OSBPL3: variants seen among roughly 807,000 people sequenced by gnomAD.
The protein encoded by OSBPL3 is oxysterol binding protein like 3.
A neutral mutation model predicts 120.1 loss-of-function variants in OSBPL3; 65 were observed. The observed-to-expected ratio is 0.54, with a 90% CI of 0.44 to 0.67. The LOEUF is 0.67. OSBPL3 is among the 30% of genes least tolerant of loss of function. OSBPL3 has a pLI of 0.00. For missense variants in OSBPL3, 1,004 were observed against 1,082.1 expected (o/e 0.93, Z 1.01); for synonymous variants, 416 against 402.6 (o/e 1.03, Z -0.40).
rs1339959119 is a variant in OSBPL3 at position 24,842,270 on chromosome 7, T to C, written c.1401+9A>G. The C allele has an allele frequency of 6.2e-7, 1 of 1,612,196 alleles. No individual in the cohort carries two copies. The highest frequency in any genetic ancestry group is 8.5e-7 in the Non-Finnish European group (1 of 1,179,676). ...TTTTGAGGCACCATACTGTAAACATTGCTCAAACCTCGTTTTCTGAAGAGC... is the reference window on the plus strand; with the variant it reads ...TTTTGAGGCACCATACTGTAAACATCGCTCAAACCTCGTTTTCTGAAGAGC... On this transcript the variant is annotated intron_variant, in intron 13 of 22. Transcript: ENST00000313367.
chr7:24,861,853 A>T, intron 9 of OSBPL3, 84 bp from the exon 10 acceptor site: 1 of 927,322 alleles, frequency 1.1e-6, no homozygotes, highest in Middle Eastern at 2.3e-4. Context: ...GAAACATGGT[A>T]ATACAAATAC....
At chr7:24,832,452 G>C (rs867181071) in intron 15 of OSBPL3, among the ~76,000 whole-genome samples, 2 of 144,680 alleles carry the variant, frequency 1.4e-5, no homozygotes, top group African/African-American at 5.1e-5. Flanking sequence ...GGAGGTTGCA[G>C]TGAGCCGAGA....
In OSBPL3 at chr7:24,937,699, C is replaced by T. The variant is rs1037952473; in HGVS notation, c.-150+42187G>A. ...CTATCAGGCATAAAACATGAAACAC[C>T]TTAAACCTAACTAATTACTTATTAC... On this transcript the variant is annotated intron_variant, in intron 1 of 22. Transcript: ENST00000313367. This position sits in a 1 kb window ranked among gnomAD's most constrained non-coding sequence, Gnocchi z 4.0. 6.6e-6 allele frequency among the ~76,000 whole-genome samples: 1 copy of T among 152,152 alleles called. No homozygotes were observed. The highest frequency in any genetic ancestry group is 2.4e-5 in the African/African-American group (1 of 41,426).
At chr7:24,919,845 A>G (rs1810170130) in intron 1 of OSBPL3, among the ~76,000 whole-genome samples, 1 of 151,820 alleles carries the variant, frequency 6.6e-6, no homozygotes, top group Non-Finnish European at 1.5e-5. Flanking sequence ...AAACAGGCAT[A>G]TAACTACAAT....
In OSBPL3 at chr7:24,932,900, C is replaced by G. The variant is rs963132180; in HGVS notation, c.-149-40279G>C. Reference sequence around the variant, plus strand: ...GAAACAAAAACTTTCAAGACTCCAACTGGTCCCCGGGGACAGACCCCCACT... The same window carrying G: ...GAAACAAAAACTTTCAAGACTCCAAGTGGTCCCCGGGGACAGACCCCCACT... On this transcript the variant is annotated intron_variant, in intron 1 of 22. Transcript: ENST00000313367. The surrounding 1 kb of genome is among the most constrained non-coding windows in gnomAD (Gnocchi z 5.6). Among the ~76,000 whole-genome samples the G allele has an allele frequency of 6.6e-6, 1 of 152,248 alleles. No individual in the cohort carries two copies. The highest frequency in any genetic ancestry group is 2.4e-5 in the African/African-American group (1 of 41,454).
At chr7:24,910,837 A>G (rs886580118) in intron 1 of OSBPL3, among the ~76,000 whole-genome samples, 3 of 152,330 alleles carry the variant, frequency 2.0e-5, no homozygotes, top group Non-Finnish European at 2.9e-5. Context: ...TGGAGGACAA[A>G]GCTGTGAGCT....
chr7:24,828,830 A>C (rs935621429), intron 16 of OSBPL3, among the ~76,000 whole-genome samples: 4 of 152,110 alleles, frequency 2.6e-5, no homozygotes, highest in Non-Finnish European at 5.9e-5. Flanking sequence ...CACATGGAGC[A>C]AATTGTGGAG....
In OSBPL3 at chr7:24,806,771, C is replaced by T; in HGVS notation, c.2444+5G>A. 2 of 1,611,782 alleles carry T rather than the reference C, an allele frequency of 1.2e-6. No individual in the cohort carries two copies. Among genetic ancestry groups the T allele is most frequent in the Admixed American group, 3.4e-5 (2 of 59,560 alleles). On this transcript the variant is annotated splice_donor_5th_base_variant and intron_variant, in intron 21 of 22. Coordinates refer to ENST00000313367, the MANE Select transcript of OSBPL3 (RefSeq NM_015550.4). The surrounding 1 kb of genome is among the most constrained non-coding windows in gnomAD (Gnocchi z 5.2). ...TGGAGAGAAAAATCTTTAAAAAATC[C>T]TTACCTCTGGTCTGGCCTAAATCGA...
At chr7:24,943,433 A>G (rs548093143) in intron 1 of OSBPL3, among the ~76,000 whole-genome samples, 1 of 152,356 alleles carries the variant, frequency 6.6e-6, no homozygotes, top group Admixed American at 6.5e-5. Context: ...ATTTCATTCC[A>G]ATACAAAAAG....
intron 14 of OSBPL3, among the ~76,000 whole-genome samples, chr7:24,838,552 G>A (rs897540978): frequency 2.0e-5 from 3 of 152,134 alleles, no homozygotes; most frequent in African/African-American, 7.2e-5. Context: ...TGTAAACTAC[G>A]ACAGAACCAG....
At position 24,946,541 on chromosome 7, in the gene OSBPL3, A is replaced by G. The variant is rs1445234403; in HGVS notation, c.-150+33345T>C. 6.6e-6 allele frequency among the ~76,000 whole-genome samples: 1 copy of G among 152,204 alleles called. No individual in the cohort carries two copies. Among genetic ancestry groups the G allele is most frequent in the East Asian group, 1.9e-4 (1 of 5,198 alleles). ...CATTAAGAGGGAAGTAACAGACATT[A>G]TCTGTTATTTTGCTCAGTACAAGTA... is the stretch of plus-strand genomic sequence containing the variant. On this transcript the variant is annotated intron_variant, in intron 1 of 22. Coordinates refer to ENST00000313367, the MANE Select transcript of OSBPL3 (RefSeq NM_015550.4). The surrounding 1 kb of genome is among the most constrained non-coding windows in gnomAD (Gnocchi z 4.3).
chr7:24,800,937 CT>C lies in OSBPL3; in HGVS notation c.2568-659del, dbSNP rs56365128. On this transcript the variant is annotated intron_variant, in intron 22 of 22. Transcript: ENST00000313367. ...CAGGTTGTACATAGGAAGTGGTTAA[CT>C]TTTTTTTTTTTTTTTTAAAGGAGGC... is the stretch of plus-strand genomic sequence containing the variant. Among the ~76,000 whole-genome samples, 1,336 of 138,636 alleles carry C rather than the reference CT, an allele frequency of 9.6e-3. 6 individuals carry two copies. Among genetic ancestry groups the C allele is most frequent in the African/African-American group, 0.021 (775 of 37,686 alleles). 91.0% of individuals were successfully genotyped at this position (138,636 alleles called of 152,430 possible). A position where few individuals can be genotyped will look rare whatever the true frequency, so the allele number is the denominator to read the frequency against.
chr7:24,870,830 G>C lies in OSBPL3; in HGVS notation c.283C>G (p.Leu95Val), dbSNP rs1323363872. The change falls in exon 5 of 23, where the codon CTG (leucine) becomes GTG (valine). Residue 95 changes from leucine to valine, a missense_variant. Physicochemically the swap from Leu to Val is conservative, Grantham distance 32. Around this residue, in one of 4 missense-constraint regions of OSBPL3, gnomAD observed 255 missense variants for 248.7 expected, o/e 1.03. Transcript: ENST00000313367. ...KSQTDIEREK[L>V]HGCIDVGLSV... ...AGCCCGACATCAATGCAGCCATGCA[G>C]CTTCTCTCTCTCTATCTGCAGAGGC... is the stretch of plus-strand genomic sequence containing the variant. The C allele has an allele frequency of 6.2e-7, 1 of 1,612,474 alleles. No homozygotes were observed. The highest frequency in any genetic ancestry group is 8.5e-7 in the Non-Finnish European group (1 of 1,178,608).
chr7:24,906,178 G>A (rs901005169), intron 1 of OSBPL3: 17 of 219,316 alleles, frequency 7.8e-5, no homozygotes, highest in African/African-American at 3.2e-4. Context: ...GCAGGTAGGA[G>A]GTTCCATCAC....
Position 24,916,499 on chromosome 7 carries a change from T to C in OSBPL3, c.-149-23878A>G, listed in dbSNP as rs899320144. Among the ~76,000 whole-genome samples the C allele has an allele frequency of 2.6e-5, 4 of 152,170 alleles. No individual in the cohort carries two copies. The highest frequency in any genetic ancestry group is 5.9e-5 in the Non-Finnish European group (4 of 68,032). On this transcript the variant is annotated intron_variant, in intron 1 of 22. Coordinates refer to ENST00000313367, the MANE Select transcript of OSBPL3 (RefSeq NM_015550.4). The surrounding 1 kb of genome is among the most constrained non-coding windows in gnomAD (Gnocchi z 4.9). ...AAGTAAAAATAAAACAGCAATTACC[T>C]TTCTGGCTTGCATGGTTCTTTTTCC...
chr7:24,816,172 G>A (rs1040764187), intron 18 of OSBPL3, among the ~76,000 whole-genome samples: 4 of 152,026 alleles, frequency 2.6e-5, no homozygotes, highest in East Asian at 1.9e-4. Context: ...CTACAGGTGC[G>A]TGCCACCACT....
chr7:24,867,457 C>G lies in OSBPL3; in HGVS notation c.382-1220G>C, dbSNP rs1286734593. Among the ~76,000 whole-genome samples, 1 of 152,104 alleles carries G rather than the reference C, an allele frequency of 6.6e-6. No individual in the cohort carries two copies. Among genetic ancestry groups the G allele is most frequent in the Non-Finnish European group, 1.5e-5 (1 of 68,012 alleles). Reference sequence around the variant, plus strand: ...CCACATTTTGTGGGAGGGACCTGGTCAGTGAGAGGTAACTGGATCATGGGG... The same window carrying G: ...CCACATTTTGTGGGAGGGACCTGGTGAGTGAGAGGTAACTGGATCATGGGG... On this transcript the variant is annotated intron_variant, in intron 5 of 22. Coordinates refer to ENST00000313367, the MANE Select transcript of OSBPL3 (RefSeq NM_015550.4). This position sits in a 1 kb window ranked among gnomAD's most constrained non-coding sequence, Gnocchi z 4.5.
rs940482587 is a variant in OSBPL3, at chr7:24,805,890, C to T, written c.2444+886G>A. ...CATGAGTTGCAGATACGGACTTCTC[C>T]GTTTGTCATTTATCTTTTGACCTTA... On this transcript the variant is annotated intron_variant, in intron 21 of 22. Transcript: ENST00000313367. The surrounding 1 kb of genome is among the most constrained non-coding windows in gnomAD (Gnocchi z 4.0). Among the ~76,000 whole-genome samples the T allele has an allele frequency of 1.3e-5, 2 of 152,098 alleles. No homozygotes were observed. Among genetic ancestry groups the T allele is most frequent in the Non-Finnish European group, 2.9e-5 (2 of 68,022 alleles).
At position 24,855,617 on chromosome 7, in the gene OSBPL3, C is replaced by T. The variant is rs150053261; in HGVS notation, c.1028-2983G>A. Among the ~76,000 whole-genome samples the T allele has an allele frequency of 9.2e-5, 14 of 152,278 alleles. No homozygotes were observed. Among genetic ancestry groups the T allele is most frequent in the Non-Finnish European group, 1.3e-4 (9 of 68,020 alleles). On this transcript the variant is annotated intron_variant, in intron 10 of 22. Transcript: ENST00000313367. This position sits in a 1 kb window ranked among gnomAD's most constrained non-coding sequence, Gnocchi z 4.3. Reference sequence around the variant, plus strand: ...CTCAGGACATTAAAATAGTCATTCACAGCCACCTAATGATCTGCCACACAC... The same window carrying T: ...CTCAGGACATTAAAATAGTCATTCATAGCCACCTAATGATCTGCCACACAC...
Sources: gnomAD v4.1 joint callset for allele counts (sites outside exome capture counted in the v4.1 genomes callset) on GRCh38, gnomAD v4.1.1 for gene constraint, gnomAD v4.1.1 regional missense constraint, Gnocchi (gnomAD v3.1) non-coding constraint, MANE v1.5 for transcripts, NCBI Gene and HGNC (gene_info 2026-07-23, HGNC 2026-07-21) for gene names.